Variants in ZPBP observed in about 807,000 individuals in gnomAD.
ZPBP encodes the protein zona pellucida-binding protein 1.
In ZPBP, 26 loss-of-function variants were observed where a neutral mutation model predicts 44.8. That is an observed-to-expected ratio of 0.58 (90% CI 0.43 to 0.81). The LOEUF (loss-of-function observed/expected upper bound fraction) is 0.81. ZPBP is among the 30% of genes least tolerant of loss of function. ZPBP has a pLI of 0.00. For missense variants in ZPBP, 409 were observed against 434.0 expected (o/e 0.94, Z 0.51); for synonymous variants, 174 against 153.2 (o/e 1.14, Z -1.00).
intron 2 of ZPBP, among the ~76,000 whole-genome samples, chr7:49,899,527 A>T (rs538313378): frequency 6.6e-5 from 10 of 152,158 alleles, no homozygotes; most frequent in Admixed American, 6.5e-4. Context: ...AAGTAGCTAT[A>T]TTAATTTCTG....
intron 7 of ZPBP, among the ~76,000 whole-genome samples, chr7:49,945,362 T>G (rs1795062189): frequency 6.6e-6 from 1 of 152,108 alleles, no homozygotes; most frequent in South Asian, 2.1e-4. Context: ...ATTAGGTTCA[T>G]TTGTTGTATA....
chr7:50,042,428 G>GCAAAGGCGA (rs1800139559), intron 4 of ZPBP, among the ~76,000 whole-genome samples: 2 of 151,572 alleles, frequency 1.3e-5, no homozygotes, highest in African/African-American at 4.8e-5. Flanking sequence ...GCCAGATCAG[G>GCAAAGGCGA]TTACCCACAA....
At chr7:49,974,576 A>G (rs577969120) in intron 7 of ZPBP, among the ~76,000 whole-genome samples, 10 of 152,182 alleles carry the variant, frequency 6.6e-5, no homozygotes, top group Non-Finnish European at 1.3e-4. Context: ...AAAAAAACCA[A>G]TAAGTTGGAA....
At chr7:49,976,019 A>G (rs913444485) in intron 7 of ZPBP, among the ~76,000 whole-genome samples, 2 of 152,172 alleles carry the variant, frequency 1.3e-5, no homozygotes, top group African/African-American at 4.8e-5. Flanking sequence ...TGGCTGTCCT[A>G]AAGAATACAT....
At chr7:49,844,671 T>C in the ZPBP span, among the ~76,000 whole-genome samples, 1 of 152,174 alleles carries the variant, frequency 6.6e-6, no homozygotes, top group African/African-American at 2.4e-5. Flanking sequence ...CACATTACCT[T>C]GGGCAAGTCA....
At chr7:50,042,368 A>C (rs1319876846) in intron 4 of ZPBP, among the ~76,000 whole-genome samples, 1 of 152,154 alleles carries the variant, frequency 6.6e-6, no homozygotes, top group African/African-American at 2.4e-5. Context: ...CAAGACACAT[A>C]ATTGTCAGAC....
chr7:49,853,247 A>G (rs1790270466), intron 2 of ZPBP, among the ~76,000 whole-genome samples: 1 of 152,216 alleles, frequency 6.6e-6, no homozygotes, highest in African/African-American at 2.4e-5. Flanking sequence ...CATGTTCTGC[A>G]TGGCAGACCC....
At chr7:49,901,769 A>G (rs968520026) in intron 1 of ZPBP, among the ~76,000 whole-genome samples, 5 of 147,900 alleles carry the variant, frequency 3.4e-5, no homozygotes, top group East Asian at 3.9e-4. Context: ...TGAACTTAAT[A>G]TAAAGCAATG....
At chr7:50,042,497 G>C (rs1800144143) in intron 4 of ZPBP, among the ~76,000 whole-genome samples, 1 of 152,202 alleles carries the variant, frequency 6.6e-6, no homozygotes, top group South Asian at 2.1e-4. Flanking sequence ...AGCCAGAAGA[G>C]AGTGGGGGCC....
At chr7:49,989,916 A>G (rs185741225) in intron 6 of ZPBP, among the ~76,000 whole-genome samples, 1 of 152,306 alleles carries the variant, frequency 6.6e-6, no homozygotes, top group Admixed American at 6.5e-5. Flanking sequence ...CTTAGCAAGC[A>G]TAACTATAGC....
At chr7:49,875,391 A>AAAAAAAAAAAAAC (rs1791367718) in intron 2 of ZPBP, among the ~76,000 whole-genome samples, 1 of 150,150 alleles carries the variant, frequency 6.7e-6, no homozygotes, top group South Asian at 2.1e-4. Flanking sequence ...AAAAAAAAAA[A>AAAAAAAAAAAAAC]AAAAAACAGG....
chr7:50,017,146 A>G (rs1464979475), intron 6 of ZPBP, among the ~76,000 whole-genome samples: 3 of 152,134 alleles, frequency 2.0e-5, no homozygotes, highest in Non-Finnish European at 4.4e-5. Context: ...ACAACTCACC[A>G]TAATGTAAAA....
chr7:49,844,387 C>T, the ZPBP span, among the ~76,000 whole-genome samples: 1 of 152,194 alleles, frequency 6.6e-6, no homozygotes, highest in Non-Finnish European at 1.5e-5. Flanking sequence ...CCAGGTCTGT[C>T]AGAACGATCG....
chr7:49,906,836 G>C (rs1028056299), intron 1 of ZPBP, among the ~76,000 whole-genome samples: 4 of 152,094 alleles, frequency 2.6e-5, no homozygotes, highest in African/African-American at 9.7e-5. Context: ...TTTAACACTT[G>C]ATGTTTTCGT....
chr7:49,956,951 C>T (rs1216420925), intron 7 of ZPBP, among the ~76,000 whole-genome samples: 1 of 152,270 alleles, frequency 6.6e-6, no homozygotes, highest in Non-Finnish European at 1.5e-5. Flanking sequence ...CCCTTCCAAA[C>T]TCATGTTGAA....
At chr7:50,052,535 A>T (rs939046259) in intron 4 of ZPBP, among the ~76,000 whole-genome samples, 3 of 152,168 alleles carry the variant, frequency 2.0e-5, no homozygotes, top group African/African-American at 7.2e-5. Flanking sequence ...TCTGAAAAAC[A>T]GTTTGGCAGT....
intron 4 of ZPBP, among the ~76,000 whole-genome samples, chr7:50,034,642 C>A (rs529735473): frequency 5.9e-4 from 90 of 151,374 alleles, no homozygotes; most frequent in Middle Eastern, 3.4e-3. Flanking sequence ...ATATAGAAAC[C>A]AAATTTGAAA....
chr7:49,976,991 G>C (rs919768067), intron 7 of ZPBP, among the ~76,000 whole-genome samples: 2 of 151,848 alleles, frequency 1.3e-5, no homozygotes, highest in African/African-American at 4.8e-5. Flanking sequence ...AGTCCCAGCT[G>C]CTCGGGCGCC....
At chr7:50,032,832 G>A (rs1022728416) in intron 4 of ZPBP, among the ~76,000 whole-genome samples, 4 of 152,118 alleles carry the variant, frequency 2.6e-5, no homozygotes, top group Non-Finnish European at 5.9e-5. Context: ...AAAATCTCTC[G>A]CAAATCCTAA....
Sources: gnomAD v4.1 joint callset for allele counts (sites outside exome capture counted in the v4.1 genomes callset) on GRCh38, gnomAD v4.1.1 for gene constraint, MANE v1.5 for transcripts, NCBI Gene and HGNC (gene_info 2026-07-23, HGNC 2026-07-21) for gene names.